Variants in GRID2IP observed in about 807,000 individuals in gnomAD.
GRID2IP encodes the protein Grid2 interacting protein, also known as delphilin.
GRID2IP carries 78 observed loss-of-function variants against 114.3 expected under a neutral mutation model. The observed-to-expected ratio is 0.68, with a 90% CI of 0.57 to 0.82. The LOEUF is 0.82. GRID2IP is among the 40% of genes least tolerant of loss of function. GRID2IP has a pLI of 0.00. For synonymous variants in GRID2IP, 809 were observed against 724.0 expected, an observed-to-expected ratio of 1.12 and a Z score of -1.89; for missense variants, 1,727 against 1,678.5, an observed-to-expected ratio of 1.03 and a Z score of -0.51.
Position 6,509,992 on chromosome 7 carries a change from CT to C in GRID2IP, c.1771+290del, listed in dbSNP as rs1786720300. Among the ~76,000 whole-genome samples, 1 of 152,168 alleles carries C rather than the reference CT, an allele frequency of 6.6e-6. No individual in the cohort carries two copies. The highest frequency in any genetic ancestry group is 2.4e-5 in the African/African-American group (1 of 41,424). ...TACAGGCATATGCAACCATGCCCAG[CT>C]AATTTTGTATTTTTTTTGTTAGAGA... On this transcript the variant is annotated intron_variant, in intron 11 of 21. Coordinates refer to ENST00000457091, the MANE Select transcript of GRID2IP (RefSeq NM_001145118.2). This position sits in a 1 kb window ranked among gnomAD's most constrained non-coding sequence, Gnocchi z 4.9.
At chr7:6,542,130 C>T (rs371646636) in intron 1 of GRID2IP, among the ~76,000 whole-genome samples, 25 of 151,738 alleles carry the variant, frequency 1.6e-4, no homozygotes, top group East Asian at 1.9e-4. Flanking sequence ...GGTGAAACCC[C>T]GTCTCTACTA....
Position 6,498,175 on chromosome 7 carries a change from G to A in GRID2IP, c.3453C>T (p.Arg1151=), listed in dbSNP as rs781061873. Residue 1151 remains arginine, a synonymous_variant, in exon 21 of 22, where the codon CGC becomes CGT. Transcript: ENST00000457091. ...PALRALDGLQ[R]EAMEELGKAL... ...CCTTGCCCAGCTCCTCCATGGCCTC[G>A]CGCTGCAGCCCGTCGAGCGCCCGAA... 5.8e-6 allele frequency: 9 copies of A among 1,551,070 alleles called. No homozygotes were observed. In the South Asian group the frequency reaches 7.1e-5, roughly 12 times the overall value.
At chr7:6,505,638 G>A (rs1786556344) in intron 14 of GRID2IP, among the ~76,000 whole-genome samples, 182 bp downstream of exon 14, 1 of 152,188 alleles carries the variant, frequency 6.6e-6, no homozygotes, top group South Asian at 2.1e-4. Context: ...CAAAGTGCTG[G>A]GATGACAGGC....
At position 6,551,440 on chromosome 7, in the gene GRID2IP, C is replaced by T. The variant is rs1779981010; in HGVS notation, c.-4G>A. On this transcript the variant is annotated 5_prime_UTR_variant, in exon 1 of 22. In the 5' UTR this introduces an upstream ATG that the reference lacks. Coordinates refer to ENST00000457091, the MANE Select transcript of GRID2IP (RefSeq NM_001145118.2). Reference sequence around the variant, plus strand: ...CCGGCGTGGCAGTGGTGGCCATGCACCTAGAACTGGAGACAGAACAGGGAT... The same window carrying T: ...CCGGCGTGGCAGTGGTGGCCATGCATCTAGAACTGGAGACAGAACAGGGAT... 3 of 1,541,136 alleles carry T rather than the reference C, an allele frequency of 1.9e-6. No individual in the cohort carries two copies. The highest frequency in any genetic ancestry group is 2.8e-5 in the African/African-American group (2 of 72,180).
intron 8 of GRID2IP, among the ~76,000 whole-genome samples, chr7:6,513,606 T>C (rs1272376669): frequency 6.6e-6 from 1 of 152,192 alleles, no homozygotes; most frequent in Non-Finnish European, 1.5e-5. Context: ...GTGCAAAAAC[T>C]GAGACTGCAG....
chr7:6,540,044 TCTCTTC>T (rs1779788887), intron 1 of GRID2IP, among the ~76,000 whole-genome samples, 172 bp from the exon 2 acceptor site: 1 of 151,226 alleles, frequency 6.6e-6, no homozygotes, highest in East Asian at 2.0e-4. Context: ...TTTCTCTTTC[TCTCTTC>T]CTTCCTTTCT....
At chr7:6,548,191 A>G (rs1016861843) in intron 1 of GRID2IP, among the ~76,000 whole-genome samples, 1 of 152,136 alleles carries the variant, frequency 6.6e-6, no homozygotes, top group Non-Finnish European at 1.5e-5. Flanking sequence ...TGTCTCTACT[A>G]TAAATACAAA....
intron 2 of GRID2IP, among the ~76,000 whole-genome samples, chr7:6,529,316 T>C (rs778267901): frequency 3.3e-5 from 5 of 152,038 alleles, no homozygotes; most frequent in Admixed American, 1.3e-4. Flanking sequence ...CCGGGCATGG[T>C]AGTGCACTCC....
At chr7:6,518,629 G>A (rs1050077706) in intron 7 of GRID2IP, among the ~76,000 whole-genome samples, 6 of 151,956 alleles carry the variant, frequency 3.9e-5, no homozygotes, top group East Asian at 1.9e-4. Flanking sequence ...CCAGCTACTC[G>A]GGAGGCTGAG....
At position 6,508,559 on chromosome 7, in the gene GRID2IP, T is replaced by A. The variant is rs1233434590; in HGVS notation, c.2128-158A>T. ...GGGACACCTGGGCTAAGGATAGGAC[T>A]GTCTCACAGGTTAACCTCAGGCTGT... On this transcript the variant is annotated intron_variant, in intron 12 of 21. Coordinates refer to ENST00000457091, the MANE Select transcript of GRID2IP (RefSeq NM_001145118.2). This position sits in a 1 kb window ranked among gnomAD's most constrained non-coding sequence, Gnocchi z 5.6. Among the ~76,000 whole-genome samples the A allele has an allele frequency of 6.6e-6, 1 of 151,684 alleles. No homozygotes were observed. The highest frequency in any genetic ancestry group is 1.5e-5 in the Non-Finnish European group (1 of 67,926).
At chr7:6,533,610 T>C (rs777305027) in intron 2 of GRID2IP, among the ~76,000 whole-genome samples, 1 of 151,980 alleles carries the variant, frequency 6.6e-6, no homozygotes, top group Non-Finnish European at 1.5e-5. Flanking sequence ...GCAATCCTTC[T>C]GTTTCAGCCT....
intron 2 of GRID2IP, among the ~76,000 whole-genome samples, chr7:6,535,551 G>T (rs942452208): frequency 6.6e-6 from 1 of 151,998 alleles, no homozygotes; most frequent in African/African-American, 2.4e-5. Flanking sequence ...CCACCCTTTG[G>T]CTGTTCAACC....
rs1483696332 is a variant in GRID2IP, at chr7:6,521,395, G to A, written c.1084+34C>T. 2.1e-6 allele frequency: 3 copies of A among 1,434,246 alleles called. No individual in the cohort carries two copies. The highest frequency in any genetic ancestry group is 4.5e-5 in the Admixed American group (2 of 44,764). The allele number at this position is 1,434,246 out of a possible 1,614,324, so 88.8% of individuals were successfully genotyped here. ...TAGCAGCCTGGGCAGGGTCTCTGGGGGCCAAGGAAGCCAAGTGTCCATGGG... is the reference window on the plus strand; with the variant it reads ...TAGCAGCCTGGGCAGGGTCTCTGGGAGCCAAGGAAGCCAAGTGTCCATGGG... On this transcript the variant is annotated intron_variant, in intron 6 of 21. Coordinates refer to ENST00000457091, the MANE Select transcript of GRID2IP (RefSeq NM_001145118.2). This position sits in a 1 kb window ranked among gnomAD's most constrained non-coding sequence, Gnocchi z 4.1.
chr7:6,521,340 C>T lies in GRID2IP; in HGVS notation c.1084+89G>A, dbSNP rs1270881263. ...GCAAGCTGCAGGTTTAGGGGAAGAG[C>T]TGAGTCCTCCGCACTGTGACTCTCA... On this transcript the variant is annotated intron_variant, in intron 6 of 21. Coordinates refer to ENST00000457091, the MANE Select transcript of GRID2IP (RefSeq NM_001145118.2). The surrounding 1 kb of genome is among the most constrained non-coding windows in gnomAD (Gnocchi z 4.1). The T allele has an allele frequency of 1.1e-6, 1 of 903,768 alleles. No individual in the cohort carries two copies. The highest frequency in any genetic ancestry group is 2.8e-5 in the East Asian group (1 of 35,260). The allele number at this position is 903,768 out of a possible 1,614,324, so 56.0% of individuals were successfully genotyped here. A position where few individuals can be genotyped will look rare whatever the true frequency, so the allele number is the denominator to read the frequency against.
intron 16 of GRID2IP, 78 bp from the exon 17 acceptor site, chr7:6,503,241 G>A (rs1443784516): frequency 3.6e-6 from 4 of 1,097,304 alleles, no homozygotes; most frequent in South Asian, 3.3e-5. Flanking sequence ...TGGGGTGGGA[G>A]GGGGGGATCT....
rs1786595332 is a variant in GRID2IP, at chr7:6,506,597, C to T, written c.2545-690G>A. ...GGAAGAACCACGCTGTGGAGCAATACTTGAAGATCGGTCCAAGGCTGGCAG... is the reference window on the plus strand; with the variant it reads ...GGAAGAACCACGCTGTGGAGCAATATTTGAAGATCGGTCCAAGGCTGGCAG... On this transcript the variant is annotated intron_variant, in intron 13 of 21. Coordinates refer to ENST00000457091, the MANE Select transcript of GRID2IP (RefSeq NM_001145118.2). The surrounding 1 kb of genome is among the most constrained non-coding windows in gnomAD (Gnocchi z 5.2). Among the ~76,000 whole-genome samples the T allele has an allele frequency of 6.6e-6, 1 of 151,794 alleles. No homozygotes were observed. Among genetic ancestry groups the T allele is most frequent in the Non-Finnish European group, 1.5e-5 (1 of 68,010 alleles).
Position 6,526,468 on chromosome 7 carries a change from C to G in GRID2IP, c.833+53G>C, listed in dbSNP as rs1435770842. 5.6e-6 allele frequency: 8 copies of G among 1,417,040 alleles called. No individual in the cohort carries two copies. The highest frequency in any genetic ancestry group is 7.4e-6 in the Non-Finnish European group (8 of 1,085,088). The allele number at this position is 1,417,040 out of a possible 1,614,324, so 87.8% of individuals were successfully genotyped here. A position where few individuals can be genotyped will look rare whatever the true frequency, so the allele number is the denominator to read the frequency against. On this transcript the variant is annotated intron_variant, in intron 3 of 21. Coordinates refer to ENST00000457091, the MANE Select transcript of GRID2IP (RefSeq NM_001145118.2). The surrounding 1 kb of genome is among the most constrained non-coding windows in gnomAD (Gnocchi z 7.6). ...ACGCCCTCTCCCCGGGTCTCGGTCC[C>G]GAGCCCACCCGCAGGGAGGCGCCCG...
intron 4 of GRID2IP, among the ~76,000 whole-genome samples, chr7:6,522,202 A>G (rs1284196171): frequency 6.6e-6 from 1 of 152,200 alleles, no homozygotes; most frequent in African/African-American, 2.4e-5. Context: ...AAAAAAATAC[A>G]GAGCCCCATA....
intron 1 of GRID2IP, among the ~76,000 whole-genome samples, chr7:6,549,554 G>C (rs1481905108): frequency 6.6e-6 from 1 of 152,232 alleles, no homozygotes; most frequent in Non-Finnish European, 1.5e-5. Context: ...CGCTGTGCAA[G>C]GGCAGGTCTA....
Sources: gnomAD v4.1 joint callset for allele counts (sites outside exome capture counted in the v4.1 genomes callset) on GRCh38, gnomAD v4.1.1 for gene constraint, Gnocchi (gnomAD v3.1) non-coding constraint, MANE v1.5 for transcripts, NCBI Gene and HGNC (gene_info 2026-07-23, HGNC 2026-07-21) for gene names.